PLXNA4: variants seen among roughly 807,000 people sequenced by gnomAD.
PLXNA4 encodes plexin-A4.
In PLXNA4, 44 loss-of-function variants were observed where a neutral mutation model predicts 191.8. The observed-to-expected ratio is 0.23, with a 90% CI of 0.18 to 0.29. The LOEUF is 0.29. Among genes scored for constraint, PLXNA4 ranks in the 10% least tolerant of loss-of-function variants. The pLI is 1.00. For missense variants in PLXNA4, 1,800 were observed against 2,488.8 expected (o/e 0.72, Z 5.89); for synonymous variants, 1,082 against 1,009.5 (o/e 1.07, Z -1.36).
intron 2 of PLXNA4, among the ~76,000 whole-genome samples, chr7:132,595,495 G>A (rs970598986): frequency 6.6e-6 from 1 of 152,132 alleles, no homozygotes; most frequent in Non-Finnish European, 1.5e-5. Flanking sequence ...AGATACGGGT[G>A]GATCACCAAT....
intron 4 of PLXNA4, among the ~76,000 whole-genome samples, chr7:132,267,908 C>T (rs751540091): frequency 6.6e-6 from 1 of 152,156 alleles, no homozygotes; most frequent in Non-Finnish European, 1.5e-5. Flanking sequence ...GAGTTAACTC[C>T]ATCTGACTCT....
intron 3 of PLXNA4, among the ~76,000 whole-genome samples, chr7:132,427,927 C>T (rs766246601): frequency 6.6e-6 from 1 of 152,194 alleles, no homozygotes; most frequent in African/African-American, 2.4e-5. Flanking sequence ...GCAGGGAGAA[C>T]GTGTGCATAA....
At chr7:132,210,814 G>A in intron 10 of PLXNA4, 129 bp downstream of exon 10, 1 of 1,022,570 alleles carries the variant, frequency 9.8e-7, no homozygotes, top group Admixed American at 2.1e-5. Flanking sequence ...CATGGGGGAA[G>A]CAGGTAGGCA....
chr7:132,481,634 CTT>C (rs1797340037), intron 3 of PLXNA4, among the ~76,000 whole-genome samples: 1 of 152,346 alleles, frequency 6.6e-6, no homozygotes, highest in African/African-American at 2.4e-5. Context: ...TGCACCACCT[CTT>C]TTCTGCCAGC....
intron 4 of PLXNA4, among the ~76,000 whole-genome samples, chr7:132,252,476 T>A (rs1799290114): frequency 6.6e-6 from 1 of 151,856 alleles, no homozygotes; most frequent in African/African-American, 2.4e-5. Context: ...CACACCCAGC[T>A]AATTTTTGTA....
chr7:132,561,402 C>T (rs1801049970), intron 1 of PLXNA4, among the ~76,000 whole-genome samples: 1 of 143,018 alleles, frequency 7.0e-6, no homozygotes, highest in Non-Finnish European at 1.5e-5. Context: ...CCTCCTCTTC[C>T]TCCTCCTCCT....
chr7:132,575,104 T>A (rs1802165133), intron 1 of PLXNA4, among the ~76,000 whole-genome samples: 1 of 152,146 alleles, frequency 6.6e-6, no homozygotes, highest in Admixed American at 6.5e-5. Flanking sequence ...TATATTCAAT[T>A]CCGAATTTGA....
chr7:132,489,509 G>T (rs1042380543), intron 2 of PLXNA4, 35 bp from the exon 3 acceptor site: 1 of 1,494,730 alleles, frequency 6.7e-7, no homozygotes, highest in Middle Eastern at 1.8e-4. Context: ...TTAGAAGGGA[G>T]CGTCAAGGAA....
chr7:132,307,139 C>T (rs777797781), intron 3 of PLXNA4, among the ~76,000 whole-genome samples: 2 of 152,130 alleles, frequency 1.3e-5, no homozygotes, highest in Non-Finnish European at 2.9e-5. Flanking sequence ...CAGGCCCTCA[C>T]TGCCAATATC....
chr7:132,547,063 C>T (rs1459880301), intron 1 of PLXNA4, among the ~76,000 whole-genome samples: 1 of 152,160 alleles, frequency 6.6e-6, no homozygotes, highest in Non-Finnish European at 1.5e-5. Context: ...AACTGAATTA[C>T]AGCAAGCTAG....
chr7:132,358,841 G>A (rs534487224), intron 3 of PLXNA4, among the ~76,000 whole-genome samples: 1 of 152,184 alleles, frequency 6.6e-6, no homozygotes, highest in South Asian at 2.1e-4. Flanking sequence ...ACAGAGCAGG[G>A]TGATTGAGAC....
chr7:132,198,559 G>A lies in PLXNA4; in HGVS notation c.2664C>T (p.Arg888=), dbSNP rs777953678. The A allele has an allele frequency of 2.7e-5, 43 of 1,614,110 alleles. No individual in the cohort carries two copies. Among genetic ancestry groups the A allele is most frequent in the Middle Eastern group, 3.3e-4 (2 of 6,084 alleles). ...CAACCTTGACATGGGAGGCGATGTCGCGAAATTCCAGGCCCAGGTTCTCCC... is the reference window on the plus strand; with the variant it reads ...CAACCTTGACATGGGAGGCGATGTCACGAAATTCCAGGCCCAGGTTCTCCC... ...IRGENLGLEF[R]DIASHVKVAG... The change falls in exon 13 of 32, where the codon CGC becomes CGT. Residue 888 remains arginine (R), a synonymous_variant. Coordinates refer to ENST00000321063, the MANE Select transcript of PLXNA4 (RefSeq NM_020911.2).
intron 2 of PLXNA4, among the ~76,000 whole-genome samples, chr7:132,589,351 TTATTAA>T (rs1563188355): frequency 2.0e-5 from 3 of 152,176 alleles, no homozygotes; most frequent in Non-Finnish European, 4.4e-5. Flanking sequence ...CTATATATTT[TTATTAA>T]TATTGTCTCT....
At chr7:132,630,315 G>A (rs1803469994) in intron 2 of PLXNA4, among the ~76,000 whole-genome samples, 1 of 152,132 alleles carries the variant, frequency 6.6e-6, no homozygotes, top group South Asian at 2.1e-4. Context: ...AATTTCCATA[G>A]CACACAATCT....
chr7:132,519,902 G>A (rs1222888797), intron 1 of PLXNA4, among the ~76,000 whole-genome samples: 1 of 152,184 alleles, frequency 6.6e-6, no homozygotes, highest in Non-Finnish European at 1.5e-5. Flanking sequence ...TGGCGTTTCT[G>A]GAAATAGGAT....
chr7:132,219,707 A>T (rs1798080710), intron 9 of PLXNA4, among the ~76,000 whole-genome samples: 1 of 152,164 alleles, frequency 6.6e-6, no homozygotes, highest in African/African-American at 2.4e-5. Context: ...AAAAATATAC[A>T]GTAATGTTCC....
At chr7:132,346,271 G>A (rs1487890894) in intron 3 of PLXNA4, among the ~76,000 whole-genome samples, 1 of 152,222 alleles carries the variant, frequency 6.6e-6, no homozygotes, top group African/African-American at 2.4e-5. Context: ...AACTTAGCAT[G>A]CCTTACGAGT....
intron 3 of PLXNA4, among the ~76,000 whole-genome samples, chr7:132,459,750 C>T (rs1796434365): frequency 6.6e-6 from 1 of 152,138 alleles, no homozygotes; most frequent in Non-Finnish European, 1.5e-5. Flanking sequence ...AGTGGGGAGG[C>T]TCCCTCGATC....
chr7:132,631,336 A>C (rs965703107), intron 2 of PLXNA4, among the ~76,000 whole-genome samples: 1 of 152,182 alleles, frequency 6.6e-6, no homozygotes, highest in African/African-American at 2.4e-5. Flanking sequence ...CCTTATTCTT[A>C]AGGTGCCTTA....
Sources: gnomAD v4.1 joint callset for allele counts (sites outside exome capture counted in the v4.1 genomes callset) on GRCh38, gnomAD v4.1.1 for gene constraint, MANE v1.5 for transcripts, NCBI Gene and HGNC (gene_info 2026-07-23, HGNC 2026-07-21) for gene names.